Variants in CYP4X1 observed in about 807,000 individuals in gnomAD.
CYP4X1 encodes cytochrome P450 4X1.
CYP4X1 carries 44 observed loss-of-function variants against 57.9 expected under a neutral mutation model. The observed-to-expected ratio is 0.76, with a 90% CI of 0.60 to 0.98. The LOEUF is 0.98. CYP4X1 is among the 50% of genes least tolerant of loss of function. The pLI is 0.00. For missense variants in CYP4X1, 532 were observed against 623.9 expected (o/e 0.85, Z 1.57); for synonymous variants, 227 against 228.6 (o/e 0.99, Z 0.06).
chr1:47,050,108 C>T lies in CYP4X1; in HGVS notation c.1464C>T (p.Pro488=). The change falls in exon 12 of 12, where the codon CCC becomes CCT. Residue 488 remains proline (P), a synonymous_variant. Coordinates refer to ENST00000371901, the MANE Select transcript of CYP4X1 (RefSeq NM_178033.2). ...ACCCCACCAGGCCTCTTACTTTCCC[C>T]AACCATTTTATCCTCAAGCCCAAGA... ...TPDPTRPLTF[P]NHFILKPKNG... is the part of the protein sequence containing the mutation. 6.2e-7 allele frequency: 1 copy of T among 1,614,060 alleles called. No homozygotes were observed. Among genetic ancestry groups the T allele is most frequent in the Non-Finnish European group, 8.5e-7 (1 of 1,180,008 alleles).
chr1:46,967,090 G>T, the CYP4X1 span, among the ~76,000 whole-genome samples: 2 of 152,184 alleles, frequency 1.3e-5, no homozygotes, highest in Non-Finnish European at 2.9e-5. Context: ...AGATTTTGTG[G>T]TTGTAGTTAA....
chr1:47,042,572 A>G (rs916353322), intron 8 of CYP4X1, among the ~76,000 whole-genome samples: 1 of 152,030 alleles, frequency 6.6e-6, no homozygotes, highest in Non-Finnish European at 1.5e-5. Flanking sequence ...AGCAGTATAC[A>G]CTGTACCCAA....
chr1:46,973,172 C>T, the CYP4X1 span, among the ~76,000 whole-genome samples: 1 of 152,076 alleles, frequency 6.6e-6, no homozygotes, highest in East Asian at 1.9e-4. Flanking sequence ...ACCTTTTCTA[C>T]ATCTATTGAG....
the CYP4X1 span, among the ~76,000 whole-genome samples, chr1:47,007,924 GA>G: frequency 6.6e-6 from 1 of 152,206 alleles, no homozygotes; most frequent in Non-Finnish European, 1.5e-5. Flanking sequence ...GGGACTATGT[GA>G]AAAGACTGAA....
At chr1:47,000,601 C>A in the CYP4X1 span, among the ~76,000 whole-genome samples, 1 of 152,162 alleles carries the variant, frequency 6.6e-6, no homozygotes, top group East Asian at 1.9e-4. Context: ...TAAGAAACCT[C>A]TACGGATACA....
the CYP4X1 span, among the ~76,000 whole-genome samples, chr1:46,962,217 AG>A: frequency 6.6e-6 from 1 of 151,946 alleles, no homozygotes; most frequent in Non-Finnish European, 1.5e-5. Flanking sequence ...CCCGGGTTCG[AG>A]TGATTCTCCT....
At chr1:46,965,141 C>A in the CYP4X1 span, among the ~76,000 whole-genome samples, 1 of 152,176 alleles carries the variant, frequency 6.6e-6, no homozygotes, top group Non-Finnish European at 1.5e-5. Context: ...ATCTGTCACC[C>A]CTTTCCTTGG....
the CYP4X1 span, among the ~76,000 whole-genome samples, chr1:46,988,693 A>G: frequency 1.3e-5 from 2 of 152,180 alleles, no homozygotes; most frequent in East Asian, 1.9e-4. Context: ...ACCATGATCA[A>G]TTTGGCTTCC....
the CYP4X1 span, among the ~76,000 whole-genome samples, chr1:46,963,357 T>G: frequency 2.6e-5 from 4 of 152,080 alleles, no homozygotes; most frequent in Non-Finnish European, 4.4e-5. Context: ...ATTGATGGTC[T>G]TTACAATCTG....
upstream of CYP4X1, among the ~76,000 whole-genome samples, chr1:47,023,370 T>C (rs1032972281): frequency 3.3e-5 from 5 of 152,152 alleles, no homozygotes; most frequent in African/African-American, 1.2e-4. Context: ...GGAATAATGA[T>C]GGTACACCTC....
At chr1:47,048,414 A>G in intron 9 of CYP4X1, 151 bp from the exon 10 acceptor site, 1 of 816,412 alleles carries the variant, frequency 1.2e-6, no homozygotes, top group Admixed American at 1.8e-5. Flanking sequence ...GCATCTTCTT[A>G]GGTGCTCCTC....
Position 47,050,150 on chromosome 1 carries a change from C to A in CYP4X1, c.1506C>A (p.His502Gln). Residue 502 changes from histidine (H) to glutamine (Q), a missense_variant, in exon 12 of 12, where the codon CAC (histidine) becomes CAA (glutamine). Physicochemically the swap from His to Gln is conservative, Grantham distance 24. Coordinates refer to ENST00000371901, the MANE Select transcript of CYP4X1 (RefSeq NM_178033.2). ...AGCCCAAGAATGGGATGTATTTGCA[C>A]CTGAAGAAACTCTCTGAATGTTAGA... ...ILKPKNGMYL[H>Q]LKKLSEC 1 of 1,613,866 alleles carries A rather than the reference C, an allele frequency of 6.2e-7. No individual in the cohort carries two copies. The highest frequency in any genetic ancestry group is 8.5e-7 in the Non-Finnish European group (1 of 1,179,950).
chr1:47,049,324 G>C (rs1473812438), intron 10 of CYP4X1, 98 bp from the exon 11 acceptor site: 2 of 858,530 alleles, frequency 2.3e-6, no homozygotes, highest in African/African-American at 3.3e-5. Context: ...TACACATGTA[G>C]ATCACATTAT....
the CYP4X1 span, among the ~76,000 whole-genome samples, chr1:47,018,499 T>C: frequency 1.3e-5 from 2 of 152,086 alleles, no homozygotes; most frequent in Admixed American, 1.3e-4. Flanking sequence ...AGAATTTTAG[T>C]GAGATGGGGT....
the CYP4X1 span, among the ~76,000 whole-genome samples, chr1:46,997,427 T>A: frequency 6.6e-6 from 1 of 152,228 alleles, no homozygotes; most frequent in Non-Finnish European, 1.5e-5. Flanking sequence ...TTTATGTTCA[T>A]GTGTATCCAC....
rs1323587210 is a variant in CYP4X1 at position 47,038,642 on chromosome 1, A to G, written c.776-18A>G. 5 of 1,572,790 alleles carry G rather than the reference A, an allele frequency of 3.2e-6. No homozygotes were observed. Among genetic ancestry groups the G allele is most frequent in the Non-Finnish European group, 4.3e-6 (5 of 1,159,276 alleles). On this transcript the variant is annotated intron_variant, in intron 6 of 11. Transcript: ENST00000371901. ...CTTTGCCATCACTTTGGTAATTGGAAACTATTTTTCTACCCAGATACAATA... is the reference window on the plus strand; with the variant it reads ...CTTTGCCATCACTTTGGTAATTGGAGACTATTTTTCTACCCAGATACAATA...
chr1:47,012,846 T>C, the CYP4X1 span, among the ~76,000 whole-genome samples: 2 of 152,158 alleles, frequency 1.3e-5, no homozygotes, highest in Non-Finnish European at 2.9e-5. Context: ...TGGGAGTGAG[T>C]TTTTAAAAAA....
intron 8 of CYP4X1, among the ~76,000 whole-genome samples, chr1:47,046,246 C>T (rs746176800): frequency 3.9e-5 from 6 of 152,176 alleles, no homozygotes; most frequent in Non-Finnish European, 8.8e-5. Flanking sequence ...AGTTTAGCAG[C>T]TCACTTTATA....
At chr1:47,011,678 C>A in the CYP4X1 span, among the ~76,000 whole-genome samples, 1 of 152,174 alleles carries the variant, frequency 6.6e-6, no homozygotes, top group African/African-American at 2.4e-5. Flanking sequence ...TGGCTAATAT[C>A]CAGAATCTAC....
Sources: gnomAD v4.1 joint callset for allele counts (sites outside exome capture counted in the v4.1 genomes callset) on GRCh38, gnomAD v4.1.1 for gene constraint, MANE v1.5 for transcripts, NCBI Gene and HGNC (gene_info 2026-07-23, HGNC 2026-07-21) for gene names.